The following C1S variants were observed in gnomAD, a reference collection of about 807,000 sequenced individuals.
The protein encoded by C1S is complement C1s.
C1S carries 31 observed loss-of-function variants against 54.0 expected under a neutral mutation model. The observed-to-expected ratio is 0.57, with a 90% CI of 0.43 to 0.78. The LOEUF is 0.78. Ranked by LOEUF, C1S falls within the 30% of genes least tolerant of loss-of-function variation. The probability of loss-of-function intolerance (pLI) is 0.00; values close to 1 mark genes in which losing one functional copy is unlikely to be tolerated. For synonymous variants in C1S, 292 were observed against 303.6 expected (o/e 0.96, Z 0.40); for missense variants, 727 against 851.8 (o/e 0.85, Z 1.82).
At chr12:7,062,137 G>A in intron 2 of C1S, 1 of 589,362 alleles carries the variant, frequency 1.7e-6, no homozygotes, top group Non-Finnish European at 3.0e-6. Flanking sequence ...CCAGCGTCAT[G>A]CGTGTCACCT....
chr12:7,063,198 C>A (rs1947123200), intron 4 of C1S, 131 bp downstream of exon 4: 1 of 842,740 alleles, frequency 1.2e-6, no homozygotes, highest in Admixed American at 2.3e-5. Flanking sequence ...TGGCCTGGGT[C>A]GCTCCATAAA....
intron 4 of C1S, chr12:7,063,980 G>A: frequency 4.0e-6 from 2 of 504,788 alleles, no homozygotes; most frequent in Middle Eastern, 3.0e-4. Flanking sequence ...GTTGCAGTGA[G>A]CCAAGATCCC....
At chr12:7,062,358 C>G (rs1375246848) in intron 2 of C1S, 117 bp from the exon 3 acceptor site, 14 of 774,746 alleles carry the variant, frequency 1.8e-5, no homozygotes, top group Non-Finnish European at 3.0e-5. Context: ...GATTCTCCCC[C>G]ATGGCCGATT....
At chr12:7,063,948 G>T in intron 4 of C1S, 1 of 471,330 alleles carries the variant, frequency 2.1e-6, no homozygotes, top group Non-Finnish European at 4.2e-6. Flanking sequence ...AGACTTGTTT[G>T]AACTTGCTTG....
chr12:7,062,107 TAAA>T (rs376183132), intron 2 of C1S, 190 bp downstream of exon 2: 21 of 528,502 alleles, frequency 4.0e-5, no homozygotes, highest in Admixed American at 9.6e-5. Flanking sequence ...CTGTCTCTAT[TAAA>T]AAAAAAAAAA....
At chr12:7,064,517 T>C (rs1418533579) in intron 5 of C1S, 125 bp downstream of exon 5, 5 of 847,250 alleles carry the variant, frequency 5.9e-6, no homozygotes, top group Non-Finnish European at 8.9e-6. Flanking sequence ...TTCTTTTTTA[T>C]TTTAGAATTT....
chr12:7,062,015 A>T, intron 2 of C1S, 98 bp downstream of exon 2: 1 of 1,218,790 alleles, frequency 8.2e-7, no homozygotes, highest in South Asian at 1.2e-5. Flanking sequence ...CACACCTGTA[A>T]CCCCAGCACT....
At chr12:7,061,761 A>T in intron 1 of C1S, 78 bp from the exon 2 acceptor site, 1 of 772,988 alleles carries the variant, frequency 1.3e-6, no homozygotes, top group Non-Finnish European at 2.3e-6. Context: ...GGTGACACTG[A>T]GCCCCAGGTG....
rs782389596 is a variant in C1S at position 7,065,169 on chromosome 12, A to T, written c.587A>T (p.Tyr196Phe). The stretch of plus-strand genomic sequence containing the variant: ...GCAAGTCCCAATTATCCCAAACCAT[A>T]TCCAGAGAACTCAAGGTGTGAATAC... ...EIASPNYPKP[Y>F]PENSRCEYQI... is the part of the protein sequence containing the mutation. Residue 196 changes from tyrosine (Y) to phenylalanine (F), a missense_variant, in exon 6 of 12, where the codon TAT becomes TTT. By Grantham distance (22) the Tyr-to-Phe change is conservative (BLOSUM62 3). Coordinates refer to ENST00000360817, the MANE Select transcript of C1S (RefSeq NM_001734.5). 6.2e-7 allele frequency: 1 copy of T among 1,614,102 alleles called. No individual in the cohort carries two copies. The highest frequency in any genetic ancestry group is 2.2e-5 in the East Asian group (1 of 44,878).
chr12:7,063,178 A>C, intron 4 of C1S, 111 bp downstream of exon 4: 1 of 1,090,652 alleles, frequency 9.2e-7, no homozygotes, highest in Non-Finnish European at 1.4e-6. Context: ...TCTTATAAAA[A>C]GTGTTGACTT....
At chr12:7,067,414 T>C in intron 9 of C1S, 1 of 679,090 alleles carries the variant, frequency 1.5e-6, no homozygotes, top group Non-Finnish European at 2.6e-6. Context: ...AGAACCAGGC[T>C]CTTCACTACG....
At chr12:7,069,808 C>A (rs782017219) in intron 11 of C1S, 47 bp from the exon 12 acceptor site, 1 of 1,474,554 alleles carries the variant, frequency 6.8e-7, no homozygotes, top group East Asian at 2.3e-5. Flanking sequence ...TGCAGGAAGC[C>A]AGCATCATTT....
At chr12:7,064,976 C>T (rs1555161870) in intron 5 of C1S, 124 bp from the exon 6 acceptor site, 4 of 781,836 alleles carry the variant, frequency 5.1e-6, no homozygotes, top group Non-Finnish European at 8.7e-6. Flanking sequence ...CCAGTTAGGG[C>T]AGGGATCTCA....
chr12:7,061,701 G>T, intron 1 of C1S, 138 bp from the exon 2 acceptor site: 3 of 672,270 alleles, frequency 4.5e-6, no homozygotes. Flanking sequence ...GAGGGGCACG[G>T]TGCCATGTGG....
chr12:7,063,864 A>G (rs1258934102), intron 4 of C1S: 1 of 376,258 alleles, frequency 2.7e-6, no homozygotes, highest in African/African-American at 2.1e-5. Context: ...GTCTCTACTA[A>G]AAATATGAAA....
chr12:7,061,951 C>T, intron 2 of C1S, 34 bp downstream of exon 2: 1 of 1,608,854 alleles, frequency 6.2e-7, no homozygotes, highest in Non-Finnish European at 8.5e-7. Flanking sequence ...ATGACACAGA[C>T]TCCATTCCCT....
At chr12:7,062,124 A>G (rs1207118766) in intron 2 of C1S, 2 of 589,928 alleles carry the variant, frequency 3.4e-6, no homozygotes, top group Non-Finnish European at 6.0e-6. Flanking sequence ...AAAAAAAATT[A>G]GCCCAGCGTC....
chr12:7,063,251 G>GA (rs756887894), intron 4 of C1S, 184 bp downstream of exon 4: 16 of 614,148 alleles, frequency 2.6e-5, no homozygotes, highest in South Asian at 5.6e-5. Context: ...TCTTAGTGGT[G>GA]ATGATGATCA....
chr12:7,061,524 T>C, intron 1 of C1S: 7 of 360,612 alleles, frequency 1.9e-5, no homozygotes, highest in South Asian at 1.6e-4. Context: ...GAGAGACTGA[T>C]ACCGCGGGGG....
Sources: gnomAD v4.1 joint callset for allele counts on GRCh38, gnomAD v4.1.1 for gene constraint, MANE v1.5 for transcripts, NCBI Gene and HGNC (gene_info 2026-07-23, HGNC 2026-07-21) for gene names.